Variants in PWWP3A observed in about 807,000 individuals in gnomAD.
The protein encoded by PWWP3A is PWWP domain containing 3A, DNA repair factor, also known as PWWP domain-containing DNA repair factor 3A.
A neutral mutation model predicts 79.0 loss-of-function variants in PWWP3A; 53 were observed. The ratio of observed to expected loss-of-function variants is 0.67; its 90% confidence interval spans 0.54 to 0.84. The LOEUF (loss-of-function observed/expected upper bound fraction) is 0.84, where lower values mean the gene tolerates loss of function less well. Ranked by LOEUF, PWWP3A falls within the 40% of genes least tolerant of loss-of-function variation. PWWP3A has a pLI of 0.00. For synonymous variants in PWWP3A, 443 were observed against 394.4 expected, an observed-to-expected ratio of 1.12 and a Z score of -1.46; for missense variants, 973 against 948.0, an observed-to-expected ratio of 1.03 and a Z score of -0.35.
rs764962400 is a variant in PWWP3A at position 1,376,122 on chromosome 19, CTT to C, written c.2076-378_2076-377del. Among the ~76,000 whole-genome samples the C allele has an allele frequency of 2.9e-3, 315 of 107,608 alleles. 1 individual carries two copies. The highest frequency in any genetic ancestry group is 0.011 in the African/African-American group (288 of 26,804). The allele number at this position is 107,608 out of a possible 152,430, so 70.6% of individuals were successfully genotyped here. ...AAGTGCCTGGACTCTCTGTCATACT[CTT>C]TTTTTTTTTTTTTTTTTTAGAGACA... On this transcript the variant is annotated intron_variant, in intron 13 of 13. Coordinates refer to ENST00000591337, the MANE Select transcript of PWWP3A (RefSeq NM_001369789.1).
At chr19:1,356,656 TAAA>T (rs11396582) in intron 2 of PWWP3A, among the ~76,000 whole-genome samples, 1 of 141,664 alleles carries the variant, frequency 7.1e-6, no homozygotes, top group East Asian at 2.0e-4. Context: ...TTTTTCACAC[TAAA>T]AAAAAAAAAA....
chr19:1,366,528 A>G (rs1261762227), intron 8 of PWWP3A, 147 bp downstream of exon 8: 1 of 694,674 alleles, frequency 1.4e-6, no homozygotes, highest in Non-Finnish European at 2.5e-6. Flanking sequence ...GTCTCACTGG[A>G]GGTGTGCCCT....
intron 2 of PWWP3A, among the ~76,000 whole-genome samples, 167 bp from the exon 3 acceptor site, chr19:1,356,842 C>T (rs902041351): frequency 6.6e-6 from 1 of 152,178 alleles, no homozygotes; most frequent in African/African-American, 2.4e-5. Flanking sequence ...ACTGGCCTCT[C>T]ATGCCTCAGT....
In PWWP3A at chr19:1,368,776, C is replaced by T. The variant is rs371502993; in HGVS notation, c.1423-489C>T. ...CAGCTTATTTCCAGGACTTGATGTC[C>T]TGTCATGTGGCACAGTGGCCACAGG... On this transcript the variant is annotated intron_variant, in intron 9 of 13. Transcript: ENST00000591337. The surrounding 1 kb of genome is among the most constrained non-coding windows in gnomAD (Gnocchi z 4.7). Among the ~76,000 whole-genome samples the T allele has an allele frequency of 3.8e-4, 58 of 152,350 alleles. No homozygotes were observed. The South Asian group carries it at 9.3e-3, about 24-fold the overall frequency.
Position 1,358,386 on chromosome 19 carries a change from C to T in PWWP3A, c.144-8C>T, listed in dbSNP as rs1410959583. 2 of 1,612,176 alleles carry T rather than the reference C, an allele frequency of 1.2e-6. No individual in the cohort carries two copies. The highest frequency in any genetic ancestry group is 2.7e-5 in the African/African-American group (2 of 74,848). ...TGGTGGTGTGTAACGTCGATTTTGTCTCTGCAGAATTAAGGTGAAAAGCAC... is the reference window on the plus strand; with the variant it reads ...TGGTGGTGTGTAACGTCGATTTTGTTTCTGCAGAATTAAGGTGAAAAGCAC... On this transcript the variant is annotated splice_polypyrimidine_tract_variant and splice_region_variant and intron_variant, in intron 3 of 13. Coordinates refer to ENST00000591337, the MANE Select transcript of PWWP3A (RefSeq NM_001369789.1).
Position 1,363,742 on chromosome 19 carries a change from C to T in PWWP3A, c.1214-767C>T, listed in dbSNP as rs140233993. ...TTTCTCTTAAAGACTAAATGCCCCT[C>T]ACTGGGGAAACGACGCTGTGCCATG... On this transcript the variant is annotated intron_variant, in intron 6 of 13. Transcript: ENST00000591337. 9.1e-3 allele frequency among the ~76,000 whole-genome samples: 1,389 copies of T among 152,314 alleles called. 28 individuals are homozygous for T. Among genetic ancestry groups the T allele is most frequent in the African/African-American group, 0.032 (1,320 of 41,562 alleles).
chr19:1,375,810 ATTT>A (rs34880865), intron 13 of PWWP3A, among the ~76,000 whole-genome samples: 1 of 22,298 alleles, frequency 4.5e-5, no homozygotes, highest in Non-Finnish European at 1.4e-4. Flanking sequence ...GTATTTATTT[ATTT>A]TTTTTTTTTT....
At chr19:1,357,985 T>C (rs2081920389) in intron 3 of PWWP3A, 1 of 167,260 alleles carries the variant, frequency 6.0e-6, no homozygotes, top group East Asian at 1.8e-4. Context: ...GGTAATTGAA[T>C]ACTCGAGTTT....
At chr19:1,375,043 A>AC (rs1225079330) in intron 13 of PWWP3A, among the ~76,000 whole-genome samples, 2 of 151,076 alleles carry the variant, frequency 1.3e-5, no homozygotes, top group African/African-American at 4.9e-5. Context: ...CCATGGTGAA[A>AC]CCCCATCTCT....
chr19:1,359,842 T>C (rs1233064890), intron 4 of PWWP3A: 1 of 267,282 alleles, frequency 3.7e-6, no homozygotes, highest in Non-Finnish European at 7.0e-6. Context: ...TACATTTTGC[T>C]CACGGTATTG....
At chr19:1,376,467 T>A (rs893759971) in intron 13 of PWWP3A, 52 bp from the exon 14 acceptor site, 2 of 1,588,368 alleles carry the variant, frequency 1.3e-6, no homozygotes, top group Non-Finnish European at 1.7e-6. Flanking sequence ...TCTCTCATAT[T>A]CTTTAACACA....
At chr19:1,373,309 C>T (rs909232233) in intron 13 of PWWP3A, 149 bp downstream of exon 13, 11 of 670,194 alleles carry the variant, frequency 1.6e-5, no homozygotes, top group African/African-American at 3.6e-5. Flanking sequence ...TGATCACATA[C>T]GCTGAACTCA....
At chr19:1,357,862 C>T (rs929061877) in intron 3 of PWWP3A, 1 of 157,718 alleles carries the variant, frequency 6.3e-6, no homozygotes. Context: ...ATTGGCTCCC[C>T]TGTTGCTCTT....
At chr19:1,365,919 C>T (rs1030437562) in intron 7 of PWWP3A, among the ~76,000 whole-genome samples, 1 of 152,222 alleles carries the variant, frequency 6.6e-6, no homozygotes, top group Non-Finnish European at 1.5e-5. Flanking sequence ...CCTGCCCCTC[C>T]CCGTGTGGCC....
At chr19:1,370,439 C>T (rs925221907) in intron 11 of PWWP3A, among the ~76,000 whole-genome samples, 2 of 152,072 alleles carry the variant, frequency 1.3e-5, no homozygotes, top group African/African-American at 4.8e-5. Context: ...CTGCAGGGCC[C>T]AGTGAGGGGG....
chr19:1,371,517 G>A (rs1342636349), intron 12 of PWWP3A: 3 of 638,034 alleles, frequency 4.7e-6, no homozygotes, highest in African/African-American at 1.8e-5. Flanking sequence ...TGATAAACCC[G>A]TGGTAAGTTA....
intron 4 of PWWP3A, 105 bp downstream of exon 4, chr19:1,358,569 A>G (rs756960695): frequency 5.6e-6 from 9 of 1,601,772 alleles, no homozygotes; most frequent in East Asian, 2.2e-5. Flanking sequence ...CCTGTTCACC[A>G]TGTTTTTCTT....
chr19:1,361,076 C>G, intron 5 of PWWP3A, 44 bp downstream of exon 5: 1 of 1,382,794 alleles, frequency 7.2e-7, no homozygotes, highest in South Asian at 1.8e-5. Flanking sequence ...GGGTGGAGTC[C>G]TGCTCCTCCG....
intron 2 of PWWP3A, 125 bp from the exon 3 acceptor site, chr19:1,356,884 C>A: frequency 1.4e-6 from 1 of 721,248 alleles, no homozygotes; most frequent in Non-Finnish European, 2.3e-6. Context: ...GGGATTGGAC[C>A]AAATATCTGA....
Sources: gnomAD v4.1 joint callset for allele counts (sites outside exome capture counted in the v4.1 genomes callset) on GRCh38, gnomAD v4.1.1 for gene constraint, Gnocchi (gnomAD v3.1) non-coding constraint, MANE v1.5 for transcripts, NCBI Gene and HGNC (gene_info 2026-07-23, HGNC 2026-07-21) for gene names.